CAST: variants seen among roughly 807,000 people sequenced by gnomAD.
CAST encodes the protein calpastatin.
Under a neutral mutation model 119.6 loss-of-function variants are expected in CAST, and 76 were observed. That is an observed-to-expected ratio of 0.64 (90% CI 0.53 to 0.77). The LOEUF (loss-of-function observed/expected upper bound fraction) is 0.77, where lower values mean the gene tolerates loss of function less well. Ranked by LOEUF, CAST falls within the 30% of genes least tolerant of loss-of-function variation. The pLI is 0.00. For synonymous variants in CAST, 319 were observed against 331.6 expected, an observed-to-expected ratio of 0.96 and a Z score of 0.41; for missense variants, 953 against 946.5, an observed-to-expected ratio of 1.01 and a Z score of -0.09.
At chr5:96,612,954 GCC>G (rs975831709) in intron 1 of CAST, among the ~76,000 whole-genome samples, 1 of 152,038 alleles carries the variant, frequency 6.6e-6, no homozygotes, top group African/African-American at 2.4e-5. Flanking sequence ...TTATCAGTTA[GCC>G]CATGCATGTT....
the CAST span, chr5:96,423,533 C>G: frequency 7.6e-7 from 1 of 1,311,314 alleles, no homozygotes; most frequent in Non-Finnish European, 1.1e-6. Context: ...TCAGTTCCAA[C>G]CTGGAGACCC....
the CAST span, among the ~76,000 whole-genome samples, chr5:95,965,856 G>A: frequency 6.6e-6 from 1 of 152,156 alleles, no homozygotes; most frequent in Non-Finnish European, 1.5e-5. Context: ...TGTAAATACA[G>A]GTTTTAAGTT....
chr5:96,223,779 C>T, the CAST span, among the ~76,000 whole-genome samples: 6 of 152,150 alleles, frequency 3.9e-5, no homozygotes, highest in Non-Finnish European at 7.4e-5. Flanking sequence ...CTTGAGAGAT[C>T]GTCAATGTCC....
At chr5:96,413,963 C>CAAAAA in the CAST span, among the ~76,000 whole-genome samples, 1 of 22,436 alleles carries the variant, frequency 4.5e-5, no homozygotes, top group Non-Finnish European at 1.3e-4. Flanking sequence ...ACTAAAAATA[C>CAAAAA]AAAAAAAAAA....
chr5:96,264,997 T>A, the CAST span, among the ~76,000 whole-genome samples: 1 of 152,226 alleles, frequency 6.6e-6, no homozygotes, highest in African/African-American at 2.4e-5. Context: ...CCGGTCCATG[T>A]ATTTAGGTGA....
At chr5:96,135,645 T>G in the CAST span, among the ~76,000 whole-genome samples, 1 of 152,160 alleles carries the variant, frequency 6.6e-6, no homozygotes, top group Non-Finnish European at 1.5e-5. Context: ...AGATTTCTCT[T>G]TTTTCCCAAG....
the CAST span, chr5:96,408,243 G>A: frequency 1.3e-5 from 21 of 1,613,846 alleles, no homozygotes; most frequent in Admixed American, 3.3e-5. Flanking sequence ...GGGCCAGAGC[G>A]AAGATGCCAG....
At chr5:96,052,778 A>T in the CAST span, among the ~76,000 whole-genome samples, 1 of 152,226 alleles carries the variant, frequency 6.6e-6, no homozygotes, top group African/African-American at 2.4e-5. Flanking sequence ...AACAAGTGTG[A>T]CATGTGATTA....
chr5:96,229,434 A>G, the CAST span, among the ~76,000 whole-genome samples: 2 of 151,880 alleles, frequency 1.3e-5, no homozygotes, highest in Non-Finnish European at 2.9e-5. Flanking sequence ...CATCCATTGG[A>G]AAAAAAAGAC....
Position 96,695,849 on chromosome 5 carries a change from G to A in CAST, c.152G>A (p.Ser51Asn), listed in dbSNP as rs1328978874. 3 of 1,612,100 alleles carry A rather than the reference G, an allele frequency of 1.9e-6. No individual in the cohort carries two copies. The African/African-American group carries it at 4.0e-5, about 22-fold the overall frequency. Residue 51 changes from serine to asparagine, a missense_variant, in exon 3 of 32, where the codon AGC becomes AAC. Transcript: ENST00000675179. Reference protein sequence around the residue: ...KKGSDEKKAASLGSSQSSRTY... With the variant: ...KKGSDEKKAANLGSSQSSRTY... ...TCTATTTTCAAGAAAAAAGCAGCAA[G>A]CCTCGGCAGCAGTCAATCCTCCAGA...
the CAST span, among the ~76,000 whole-genome samples, chr5:96,196,749 C>T: frequency 6.6e-6 from 1 of 152,150 alleles, no homozygotes; most frequent in South Asian, 2.1e-4. Flanking sequence ...CTGCAGGTCA[C>T]GGTAGAAATT....
At chr5:96,172,664 A>G in the CAST span, among the ~76,000 whole-genome samples, 2 of 152,246 alleles carry the variant, frequency 1.3e-5, no homozygotes, top group Non-Finnish European at 2.9e-5. Flanking sequence ...AGGGAGAACA[A>G]TAATTCTTAG....
At chr5:96,738,504 T>G (rs1185176283) in intron 11 of CAST, among the ~76,000 whole-genome samples, 1 of 152,220 alleles carries the variant, frequency 6.6e-6, no homozygotes, top group Non-Finnish European at 1.5e-5. Flanking sequence ...CACGGTCCAC[T>G]GGGTCACACA....
intron 1 of CAST, among the ~76,000 whole-genome samples, chr5:96,534,689 A>AGGAG (rs200423754): frequency 0.28 from 23,182 of 83,330 alleles, 7,931 homozygotes; most frequent in East Asian, 0.45. Context: ...AGAGAGAGAG[A>AGGAG]GGAAGGAAGG....
chr5:96,031,253 AAAAATGTCTATCTACCTTGGAT>A, the CAST span, among the ~76,000 whole-genome samples: 1 of 150,160 alleles, frequency 6.7e-6, no homozygotes, highest in Non-Finnish European at 1.5e-5. Flanking sequence ...AAAAAAAAGG[AAAAATGTCTATCTACCTTGGAT>A]AGAGGAAGAT....
the CAST span, among the ~76,000 whole-genome samples, chr5:96,155,536 T>C: frequency 3.9e-5 from 6 of 152,184 alleles, no homozygotes; most frequent in African/African-American, 4.8e-5. Flanking sequence ...AACTCTTACA[T>C]TGGTATTAGT....
the CAST span, among the ~76,000 whole-genome samples, chr5:96,039,776 T>C: frequency 0.059 from 8,899 of 152,110 alleles, 520 homozygotes; most frequent in African/African-American, 0.14. Context: ...GTTACTGTAG[T>C]CTTGTAGTAT....
chr5:95,988,615 G>C, the CAST span, among the ~76,000 whole-genome samples: 1 of 152,154 alleles, frequency 6.6e-6, no homozygotes. Flanking sequence ...TCTGAAGTCA[G>C]ATGGTCTGAG....
chr5:96,746,650 CCA>C (rs1561570431), intron 17 of CAST, among the ~76,000 whole-genome samples: 1 of 152,172 alleles, frequency 6.6e-6, no homozygotes, highest in Non-Finnish European at 1.5e-5. Flanking sequence ...ATTTAAATTC[CCA>C]CAGATTTAAA....
Sources: allele counts gnomAD v4.1 joint callset (sites outside exome capture counted in the v4.1 genomes callset), GRCh38; gene constraint gnomAD v4.1.1; transcripts MANE v1.5; gene names NCBI Gene and HGNC (gene_info 2026-07-23, HGNC 2026-07-21).